The following PCDH15 variants were observed in gnomAD, a reference collection of about 807,000 sequenced individuals.
PCDH15 encodes protocadherin-15.
A neutral mutation model predicts 178.5 loss-of-function variants in PCDH15; 129 were observed. That is an observed-to-expected ratio of 0.72 (90% CI 0.63 to 0.84). The LOEUF is 0.84. PCDH15 is among the 40% of genes least tolerant of loss of function. PCDH15 has a pLI of 0.00. For missense variants in PCDH15, 2,230 were observed against 2,099.9 expected, an observed-to-expected ratio of 1.06 and a Z score of -1.21; for synonymous variants, 800 against 732.0, an observed-to-expected ratio of 1.09 and a Z score of -1.50.
intron 2 of PCDH15, among the ~76,000 whole-genome samples, chr10:55,061,058 GA>G (rs957658112): frequency 4.6e-5 from 7 of 151,978 alleles, no homozygotes; most frequent in African/African-American, 1.7e-4. Flanking sequence ...CAAATTCTAT[GA>G]AAAAAATTGA....
chr10:55,443,955 T>C (rs1011037250), intron 2 of PCDH15, among the ~76,000 whole-genome samples: 2 of 152,018 alleles, frequency 1.3e-5, no homozygotes, highest in Non-Finnish European at 2.9e-5. Context: ...TATGCAGCCA[T>C]AAAAAAGAAT....
In PCDH15 at chr10:54,532,000, G is replaced by A. The variant is rs116173833; in HGVS notation, c.92-4123C>T. Among the ~76,000 whole-genome samples, 635 of 152,138 alleles carry A rather than the reference G, an allele frequency of 4.2e-3. 7 individuals carry two copies. The highest frequency in any genetic ancestry group is 0.015 in the African/African-American group (609 of 41,512). On this transcript the variant is annotated intron_variant, in intron 2 of 37. Coordinates refer to ENST00000644397, the MANE Select transcript of PCDH15 (RefSeq NM_001384140.1). ...TCTAGCTTTCCAAAATGTACCGATC[G>A]ATAAGTCTTGAATTTAATTCCTAAA...
intron 2 of PCDH15, among the ~76,000 whole-genome samples, chr10:55,569,062 A>G (rs1262422345): frequency 6.6e-6 from 1 of 152,070 alleles, no homozygotes; most frequent in African/African-American, 2.4e-5. Flanking sequence ...CAATAAGGCG[A>G]CAAATCACTT....
At chr10:54,727,015 G>T (rs111985902) in intron 1 of PCDH15, among the ~76,000 whole-genome samples, 18,447 of 151,304 alleles carry the variant, frequency 0.12, 1,255 homozygotes, top group African/African-American at 0.17. Context: ...CCATGGAAAT[G>T]TCTCCAATAT....
chr10:55,145,765 AAT>A (rs869224266), intron 2 of PCDH15, among the ~76,000 whole-genome samples: 1 of 128,754 alleles, frequency 7.8e-6, no homozygotes, highest in African/African-American at 2.7e-5. Flanking sequence ...AGAACAAAAA[AAT>A]ATTATTTTCC....
intron 3 of PCDH15, among the ~76,000 whole-genome samples, chr10:54,420,092 AT>A (rs1955028580): frequency 6.6e-6 from 1 of 152,258 alleles, no homozygotes. Context: ...ATGTTGAGAA[AT>A]TTTTAGCAAA....
At chr10:55,414,770 GGTGTGTGT>G (rs71014486) in intron 2 of PCDH15, among the ~76,000 whole-genome samples, 1,510 of 146,922 alleles carry the variant, frequency 0.01, 18 homozygotes, top group African/African-American at 0.032. Flanking sequence ...TCTAACAAGG[GGTGTGTGT>G]GTGTGTGTGT....
chr10:54,577,738 T>G (rs1432974903), intron 2 of PCDH15, among the ~76,000 whole-genome samples: 1 of 151,948 alleles, frequency 6.6e-6, no homozygotes, highest in African/African-American at 2.4e-5. Context: ...CCACTAATAG[T>G]CCCTTTATAA....
intron 1 of PCDH15, among the ~76,000 whole-genome samples, chr10:55,216,291 C>T (rs1840700282): frequency 6.6e-6 from 1 of 151,770 alleles, no homozygotes; most frequent in Non-Finnish European, 1.5e-5. Flanking sequence ...GAAAAGTTTC[C>T]TAGTTTTTCT....
intron 2 of PCDH15, among the ~76,000 whole-genome samples, chr10:54,906,705 A>G (rs1349895): frequency 0.97 from 147,805 of 152,186 alleles, 71,917 homozygotes; most frequent in East Asian, 1. Context: ...TCAAAAGGTA[A>G]GAGAGGTTCA....
At chr10:55,496,475 T>C in intron 2 of PCDH15, among the ~76,000 whole-genome samples, 1 of 151,978 alleles carries the variant, frequency 6.6e-6, no homozygotes, top group South Asian at 2.1e-4. Flanking sequence ...TAAAATATTT[T>C]TAAAACTAAA....
rs577223685 is a variant in PCDH15, at chr10:55,068,444, T to C, written c.-80+98132A>G. 7.2e-5 allele frequency among the ~76,000 whole-genome samples: 11 copies of C among 152,224 alleles called. No individual in the cohort carries two copies. The South Asian group carries it at 2.1e-3, about 29-fold the overall frequency. On this transcript the variant is annotated intron_variant, in intron 2 of 5. Coordinates refer to the PCDH15 transcript ENST00000458638. Reference sequence around the variant, plus strand: ...AGATTTCATTTTGTGTTATCTATTCTCATTTATGCATACATTTTTATATAA... The same window carrying C: ...AGATTTCATTTTGTGTTATCTATTCCCATTTATGCATACATTTTTATATAA...
chr10:54,992,262 T>C (rs987311856), intron 2 of PCDH15, among the ~76,000 whole-genome samples: 1 of 152,156 alleles, frequency 6.6e-6, no homozygotes, highest in African/African-American at 2.4e-5. Context: ...TAAACAGCAA[T>C]TGTCTTAAGT....
intron 2 of PCDH15, among the ~76,000 whole-genome samples, chr10:54,555,902 A>G (rs1291242350): frequency 6.6e-6 from 1 of 152,132 alleles, no homozygotes; most frequent in Non-Finnish European, 1.5e-5. Flanking sequence ...ATTATTGGGG[A>G]AGAACACCTC....
chr10:55,501,263 T>C (rs1465803318), intron 2 of PCDH15, among the ~76,000 whole-genome samples: 3 of 151,730 alleles, frequency 2.0e-5, no homozygotes, highest in African/African-American at 7.3e-5. Context: ...AAAGGGAGTG[T>C]AGCCTTGAGA....
intron 1 of PCDH15, among the ~76,000 whole-genome samples, chr10:55,224,257 G>T (rs1263327289): frequency 2.0e-5 from 3 of 152,068 alleles, no homozygotes; most frequent in African/African-American, 7.3e-5. Flanking sequence ...AATATGGTCA[G>T]AATCTATTTT....
At chr10:55,080,633 G>A (rs949260474) in intron 2 of PCDH15, among the ~76,000 whole-genome samples, 3 of 152,084 alleles carry the variant, frequency 2.0e-5, no homozygotes, top group African/African-American at 4.8e-5. Flanking sequence ...CTCGTCCTTT[G>A]CACACACAGG....
At chr10:54,879,372 T>A (rs1258782043) in intron 3 of PCDH15, among the ~76,000 whole-genome samples, 3 of 152,116 alleles carry the variant, frequency 2.0e-5, no homozygotes, top group Non-Finnish European at 2.9e-5. Flanking sequence ...TTACAAAAGT[T>A]TCTGGTAAAT....
At chr10:54,381,320 T>C (rs1412561097) in intron 3 of PCDH15, among the ~76,000 whole-genome samples, 3 of 152,070 alleles carry the variant, frequency 2.0e-5, no homozygotes, top group African/African-American at 7.2e-5. Context: ...ATCCCAGCAG[T>C]GGTGACTGTA....
Sources: gnomAD v4.1 joint callset for allele counts (sites outside exome capture counted in the v4.1 genomes callset) on GRCh38, gnomAD v4.1.1 for gene constraint, MANE v1.5 for transcripts, NCBI Gene and HGNC (gene_info 2026-07-23, HGNC 2026-07-21) for gene names.